Variants in PREX2 observed in about 807,000 individuals in gnomAD.
PREX2 encodes phosphatidylinositol 3,4,5-trisphosphate-dependent Rac exchanger 2 protein.
In PREX2, 107 loss-of-function variants were observed where a neutral mutation model predicts 203.2. The observed-to-expected ratio is 0.53, with a 90% CI of 0.45 to 0.62. The LOEUF is 0.62. Among genes scored for constraint, PREX2 ranks in the 20% least tolerant of loss-of-function variants. The pLI, the probability that PREX2 is intolerant of heterozygous loss-of-function variation, is 0.00. For synonymous variants in PREX2, 672 were observed against 663.6 expected (o/e 1.01, Z -0.19); for missense variants, 1,777 against 1,955.9 (o/e 0.91, Z 1.72).
Position 68,038,142 on chromosome 8 carries a change from C to G in PREX2, c.706-17C>G. 6.2e-7 allele frequency: 1 copy of G among 1,608,264 alleles called. No homozygotes were observed. The highest frequency in any genetic ancestry group is 8.5e-7 in the Non-Finnish European group (1 of 1,176,666). ...CAACCAAGTAAGCAGACATTAATTGCATTTCTCCTGACTTAGGGGTCCAAC... is the reference window on the plus strand; with the variant it reads ...CAACCAAGTAAGCAGACATTAATTGGATTTCTCCTGACTTAGGGGTCCAAC... On this transcript the variant is annotated splice_polypyrimidine_tract_variant and intron_variant, in intron 6 of 39. Transcript: ENST00000288368.
chr8:68,103,391 A>G (rs989548050), intron 23 of PREX2, among the ~76,000 whole-genome samples: 1 of 152,232 alleles, frequency 6.6e-6, no homozygotes, highest in Non-Finnish European at 1.5e-5. Context: ...AGTTGGATTA[A>G]AATGTGCTGC....
In PREX2 at chr8:67,960,308, C is replaced by T. The variant is rs150096984; in HGVS notation, c.141+7773C>T. Among the ~76,000 whole-genome samples, 10 of 152,238 alleles carry T rather than the reference C, an allele frequency of 6.6e-5. No individual in the cohort carries two copies. In the East Asian group the frequency reaches 1.9e-3, roughly 29 times the overall value. On this transcript the variant is annotated intron_variant, in intron 1 of 39. Transcript: ENST00000288368. ...TCCCCCACCTCAGCCTCCCAAAGTG[C>T]TACGATTACAGGCGTGAGCCACGGT...
chr8:67,953,718 C>G (rs955818115), intron 1 of PREX2, among the ~76,000 whole-genome samples: 1 of 152,262 alleles, frequency 6.6e-6, no homozygotes, highest in Non-Finnish European at 1.5e-5. Flanking sequence ...AATGTACAGG[C>G]TGCGTTATGG....
intron 1 of PREX2, among the ~76,000 whole-genome samples, chr8:68,011,968 C>T (rs1263966046): frequency 6.6e-6 from 1 of 152,094 alleles, no homozygotes; most frequent in Non-Finnish European, 1.5e-5. Flanking sequence ...GTAACTTTCA[C>T]CTTTAATTTT....
chr8:68,011,562 G>A (rs1420303072), intron 1 of PREX2, among the ~76,000 whole-genome samples: 1 of 152,106 alleles, frequency 6.6e-6, no homozygotes, highest in African/African-American at 2.4e-5. Flanking sequence ...CTAACTTACT[G>A]TTATTCAGGT....
intron 6 of PREX2, among the ~76,000 whole-genome samples, chr8:68,032,212 A>G (rs1373833488): frequency 6.6e-6 from 1 of 152,096 alleles, no homozygotes; most frequent in Non-Finnish European, 1.5e-5. Flanking sequence ...GACAGAGAAA[A>G]CTGGATGGAG....
intron 10 of PREX2, among the ~76,000 whole-genome samples, chr8:68,058,426 T>C (rs1021818020): frequency 9.6e-5 from 14 of 145,648 alleles, no homozygotes; most frequent in Admixed American, 7.3e-4. Flanking sequence ...GGTTGCACTA[T>C]GACATTGACA....
chr8:68,115,503 A>T (rs1476565855), intron 25 of PREX2, among the ~76,000 whole-genome samples: 2 of 151,554 alleles, frequency 1.3e-5, no homozygotes, highest in Admixed American at 6.6e-5. Context: ...TTTTAGCTAT[A>T]GTCATACATG....
chr8:67,976,570 CA>C (rs1806102992), intron 1 of PREX2, among the ~76,000 whole-genome samples: 1 of 48,310 alleles, frequency 2.1e-5, no homozygotes, highest in Non-Finnish European at 4.1e-5. Context: ...GAGACAGAGA[CA>C]GAGACAGAGA....
At position 68,105,714 on chromosome 8, in the gene PREX2, C is replaced by T. The variant is rs1348556063; in HGVS notation, c.2716-2395C>T. ...ATATATATATATGGATATATATACA[C>T]ATATATATACACACACATATATATA... On this transcript the variant is annotated intron_variant, in intron 23 of 39. Transcript: ENST00000288368. 3.6e-4 allele frequency: 65 copies of T among 180,866 alleles called. 1 individual carries two copies. The highest frequency in any genetic ancestry group is 5.1e-4 in the Non-Finnish European group (57 of 112,706). The allele number at this position is 180,866 out of a possible 1,614,324, so 11.2% of individuals were successfully genotyped here. A position where few individuals can be genotyped will look rare whatever the true frequency, so the allele number is the denominator to read the frequency against.
chr8:68,144,424 A>G lies in PREX2; in HGVS notation c.4088-1785A>G, dbSNP rs78634761. Reference sequence around the variant, plus strand: ...GTAATATTTTATTAAAGTTATACCTAAGTATTTTATTTTGGGGAGGTGCTA... The same window carrying G: ...GTAATATTTTATTAAAGTTATACCTGAGTATTTTATTTTGGGGAGGTGCTA... On this transcript the variant is annotated intron_variant, in intron 33 of 39. Coordinates refer to ENST00000288368, the MANE Select transcript of PREX2 (RefSeq NM_024870.4). Among the ~76,000 whole-genome samples the G allele has an allele frequency of 5.9e-3, 894 of 152,154 alleles. 14 individuals are homozygous for G. Among genetic ancestry groups the G allele is most frequent in the African/African-American group, 0.02 (832 of 41,518 alleles).
At chr8:68,224,499 TG>T (rs1813017689) in intron 38 of PREX2, 59 bp from the exon 39 acceptor site, 1 of 1,250,772 alleles carries the variant, frequency 8.0e-7, no homozygotes, top group African/African-American at 1.5e-5. Context: ...CAAATGTTAA[TG>T]GTATGTTAAA....
At chr8:68,127,545 C>A in intron 31 of PREX2, 126 bp downstream of exon 31, 1 of 585,416 alleles carries the variant, frequency 1.7e-6, no homozygotes, top group East Asian at 2.9e-5. Context: ...CCTACCTTCT[C>A]CAAAGCTTTG....
At chr8:68,107,368 G>A (rs951567739) in intron 23 of PREX2, among the ~76,000 whole-genome samples, 18 of 152,210 alleles carry the variant, frequency 1.2e-4, no homozygotes, top group Admixed American at 1.0e-3. Flanking sequence ...GTTAGGTGAG[G>A]ATCTGACTTG....
At chr8:68,047,458 A>AATGG (rs1341525959) in intron 8 of PREX2, among the ~76,000 whole-genome samples, 1 of 134,268 alleles carries the variant, frequency 7.4e-6, no homozygotes, top group Non-Finnish European at 1.6e-5. Flanking sequence ...TAAATAATAA[A>AATGG]ATGGATGAAT....
At chr8:68,055,233 T>G (rs1454767516) in intron 9 of PREX2, among the ~76,000 whole-genome samples, 1 of 152,190 alleles carries the variant, frequency 6.6e-6, no homozygotes, top group Non-Finnish European at 1.5e-5. Flanking sequence ...AAATTGAAAC[T>G]GCAGGTTGAG....
In PREX2 at chr8:68,178,091, A is replaced by G. The variant is rs573180467; in HGVS notation, c.4347-13631A>G. 3.3e-5 allele frequency among the ~76,000 whole-genome samples: 5 copies of G among 152,308 alleles called. No homozygotes were observed. The East Asian group carries it at 9.7e-4, about 29-fold the overall frequency. On this transcript the variant is annotated intron_variant, in intron 35 of 39. Transcript: ENST00000288368. The stretch of plus-strand genomic sequence containing the variant: ...TCTTTGCTATTGTGAATAGTGCTGC[A>G]ATGAACATATATGTGCATGCATCTT...
intron 18 of PREX2, among the ~76,000 whole-genome samples, chr8:68,087,433 G>A (rs1474262422): frequency 6.6e-6 from 1 of 152,184 alleles, no homozygotes; most frequent in Non-Finnish European, 1.5e-5. Flanking sequence ...AGGCTGAGAT[G>A]TGAGGATCAC....
intron 1 of PREX2, among the ~76,000 whole-genome samples, chr8:67,977,408 G>A (rs929972209): frequency 1.3e-5 from 2 of 152,134 alleles, no homozygotes; most frequent in Non-Finnish European, 2.9e-5. Context: ...ACAACATACA[G>A]GAACATGTGT....
Sources: allele counts gnomAD v4.1 joint callset (sites outside exome capture counted in the v4.1 genomes callset), GRCh38; gene constraint gnomAD v4.1.1; transcripts MANE v1.5; gene names NCBI Gene and HGNC (gene_info 2026-07-23, HGNC 2026-07-21).